DMD: variants seen among roughly 807,000 people sequenced by gnomAD.
The protein encoded by DMD is mutant dystrophin.
In DMD, 63 loss-of-function variants were observed where a neutral mutation model predicts 330.1. The ratio of observed to expected loss-of-function variants is 0.19; its 90% CI spans 0.16 to 0.24. DMD has a LOEUF of 0.24. Among genes scored for constraint, DMD ranks in the 10% least tolerant of loss-of-function variants. The probability of loss-of-function intolerance (pLI) is 1.00; values close to 1 mark genes in which losing one functional copy is unlikely to be tolerated. For missense variants in DMD, 3,344 were observed against 2,684.1 expected, an observed-to-expected ratio of 1.25 and a Z score of -5.43; for synonymous variants, 1,223 against 959.8, an observed-to-expected ratio of 1.27 and a Z score of -5.07.
intron 44 of DMD, among the ~76,000 whole-genome samples, chrX:31,978,572 C>G (rs146840731): frequency 0.038 from 4,194 of 111,670 alleles, 72 homozygotes; most frequent in Non-Finnish European, 0.052. Context: ...TGTTGAAGCC[C>G]AAATAGCGTA....
At chrX:32,240,451 C>T (rs2097203970) in intron 43 of DMD, among the ~76,000 whole-genome samples, 1 of 110,100 alleles carries the variant, frequency 9.1e-6, no homozygotes, top group African/African-American at 3.3e-5. Flanking sequence ...TTTCACCAGA[C>T]ACCAAACCTG....
intron 12 of DMD, among the ~76,000 whole-genome samples, chrX:32,610,599 A>G (rs1407530652): frequency 9.0e-6 from 1 of 111,366 alleles, no homozygotes; most frequent in Non-Finnish European, 1.9e-5. Flanking sequence ...TGAGAGAGAG[A>G]GAGCAGGCGA....
intron 7 of DMD, among the ~76,000 whole-genome samples, chrX:32,729,082 C>G (rs1197308355): frequency 8.9e-6 from 1 of 112,148 alleles, no homozygotes; most frequent in Admixed American, 9.5e-5. Context: ...AAGTTCAATA[C>G]AGGTTGAACA....
intron 60 of DMD, among the ~76,000 whole-genome samples, chrX:31,441,942 CTAAAAACACTTTTTAAGCA>C (rs2064986388): frequency 1.8e-5 from 2 of 111,977 alleles, no homozygotes; most frequent in Admixed American, 1.9e-4. Flanking sequence ...CAGCTTTCTG[CTAAAAACACTTTTTAAGCA>C]TATCTTTAAG....
chrX:31,896,191 C>T (rs1271456278), intron 47 of DMD, among the ~76,000 whole-genome samples: 3 of 111,675 alleles, frequency 2.7e-5, no homozygotes, highest in African/African-American at 9.8e-5. Context: ...CAGGGTCTTC[C>T]TAAATTGGAC....
At chrX:32,952,130 T>G (rs1277587263) in intron 2 of DMD, among the ~76,000 whole-genome samples, 1 of 109,571 alleles carries the variant, frequency 9.1e-6, no homozygotes, top group Non-Finnish European at 1.9e-5. Context: ...TCAGCTTCTT[T>G]TTTTGTTTGT....
intron 44 of DMD, among the ~76,000 whole-genome samples, chrX:32,142,311 C>T (rs187612874): frequency 4.2e-4 from 47 of 112,129 alleles, no homozygotes; most frequent in African/African-American, 1.4e-3. Flanking sequence ...CAGAAGACTA[C>T]ATAGGAAATG....
At chrX:32,605,941 A>T (rs2056660060) in intron 12 of DMD, among the ~76,000 whole-genome samples, 1 of 110,003 alleles carries the variant, frequency 9.1e-6, no homozygotes, top group East Asian at 2.9e-4. Context: ...GGGGTACATG[A>T]GATGTTTTGA....
chrX:32,374,014 G>C (rs1418716365), intron 34 of DMD, among the ~76,000 whole-genome samples: 1 of 111,686 alleles, frequency 9.0e-6, no homozygotes, highest in Non-Finnish European at 1.9e-5. Flanking sequence ...GTGTGAGATG[G>C]TATCTTATTT....
At chrX:32,218,121 G>A (rs16990172) in intron 43 of DMD, among the ~76,000 whole-genome samples, 3,118 of 111,476 alleles carry the variant, frequency 0.028, 112 homozygotes, top group African/African-American at 0.093. Flanking sequence ...AACCAGGGCT[G>A]TATGTTTACC....
At chrX:32,366,424 C>T (rs181858853) in intron 34 of DMD, among the ~76,000 whole-genome samples, 115 of 112,021 alleles carry the variant, frequency 1.0e-3, no homozygotes, top group South Asian at 1.5e-3. Context: ...AAGCTATTTG[C>T]GAGTGGAGCT....
intron 17 of DMD, among the ~76,000 whole-genome samples, chrX:32,536,192 G>A (rs1471531398): frequency 9.6e-6 from 1 of 104,547 alleles, no homozygotes; most frequent in African/African-American, 3.7e-5. Flanking sequence ...TTGAACCCAC[G>A]GGGCAGAGGA....
At chrX:31,156,854 C>T (rs778361351) in intron 74 of DMD, among the ~76,000 whole-genome samples, 20 of 111,859 alleles carry the variant, frequency 1.8e-4, no homozygotes, top group African/African-American at 6.5e-4. Context: ...ATATCTAGCG[C>T]TTAGAAAGTG....
At chrX:32,002,510 A>G (rs907683573) in intron 44 of DMD, among the ~76,000 whole-genome samples, 6 of 111,877 alleles carry the variant, frequency 5.4e-5, no homozygotes, top group African/African-American at 9.7e-5. Context: ...CTCAATCTCA[A>G]AATTGAAGAA....
intron 63 of DMD, among the ~76,000 whole-genome samples, chrX:31,236,978 C>T (rs1427734831): frequency 8.9e-6 from 1 of 111,865 alleles, no homozygotes. Context: ...TGCCTCTTTC[C>T]ATTTCTCTGG....
intron 2 of DMD, among the ~76,000 whole-genome samples, chrX:32,912,030 GGAGAGAGAGAGA>G (rs58167255): frequency 1.5e-5 from 1 of 64,720 alleles, no homozygotes; most frequent in Non-Finnish European, 2.9e-5. Flanking sequence ...GGAGAGAAGG[GGAGAGAGAGAGA>G]GAGAGAGAGA....
Position 33,009,696 on chromosome X carries a change from G to A in DMD, c.93+10443C>T, listed in dbSNP as rs1359195950. On this transcript the variant is annotated intron_variant, in intron 2 of 78. Coordinates refer to ENST00000357033, the MANE Select transcript of DMD (RefSeq NM_004006.3). ...TACGTATATGTGTATATGCACATAT[G>A]TGTGTATACGTATATGTGTATATGT... Among the ~76,000 whole-genome samples, 15 of 71,550 alleles carry A rather than the reference G, an allele frequency of 2.1e-4. 2 individuals carry two copies. Among genetic ancestry groups the A allele is most frequent in the South Asian group, 8.8e-4 (1 of 1,136 alleles). 62.1% of individuals were successfully genotyped at this position (71,550 alleles called of 115,157 possible).
At chrX:32,336,565 T>A (rs2097716617) in intron 41 of DMD, among the ~76,000 whole-genome samples, 1 of 111,752 alleles carries the variant, frequency 8.9e-6, no homozygotes. Flanking sequence ...GTATGCCTAC[T>A]TCTAGAAGTA....
chrX:32,016,796 C>G (rs944029569), intron 44 of DMD, among the ~76,000 whole-genome samples: 1 of 112,611 alleles, frequency 8.9e-6, no homozygotes, highest in Admixed American at 9.4e-5. Flanking sequence ...ATGGCACTTG[C>G]AAGTTCTCAG....
Sources: allele counts gnomAD v4.1 joint callset (sites outside exome capture counted in the v4.1 genomes callset), GRCh38; gene constraint gnomAD v4.1.1; transcripts MANE v1.5; gene names NCBI Gene and HGNC (gene_info 2026-07-23, HGNC 2026-07-21).